The following ROBO2 variants were observed in gnomAD, a reference collection of about 807,000 sequenced individuals.
ROBO2 encodes the protein roundabout homolog 2.
A neutral mutation model predicts 160.8 loss-of-function variants in ROBO2; 53 were observed. That is an observed-to-expected ratio of 0.33 (90% CI 0.26 to 0.41). The LOEUF is 0.41. Ranked by LOEUF, ROBO2 falls within the 10% of genes least tolerant of loss-of-function variation. ROBO2 has a pLI of 1.00. For missense variants in ROBO2, 1,577 were observed against 1,722.4 expected (o/e 0.92, Z 1.49); for synonymous variants, 664 against 611.7 (o/e 1.09, Z -1.26).
intron 2 of ROBO2, among the ~76,000 whole-genome samples, chr3:76,043,643 A>AAAAC (rs2067353727): frequency 1.3e-5 from 2 of 149,926 alleles, no homozygotes; most frequent in African/African-American, 2.5e-5. Context: ...AAAAAAAAAA[A>AAAAC]AAACCACACC....
chr3:77,521,178 G>T (rs1298599182), intron 5 of ROBO2, among the ~76,000 whole-genome samples: 1 of 151,046 alleles, frequency 6.6e-6, no homozygotes, highest in Admixed American at 6.6e-5. Context: ...CACTTATTTT[G>T]CTAATTAGGA....
intron 2 of ROBO2, among the ~76,000 whole-genome samples, chr3:76,890,265 C>T (rs1464914505): frequency 2.0e-5 from 3 of 152,062 alleles, no homozygotes; most frequent in Non-Finnish European, 4.4e-5. Context: ...TTATGATTAG[C>T]CTTCATTTAC....
At chr3:76,298,301 G>T (rs994037349) in intron 2 of ROBO2, among the ~76,000 whole-genome samples, 1 of 152,092 alleles carries the variant, frequency 6.6e-6, no homozygotes, top group South Asian at 2.1e-4. Context: ...GAGGGATAGG[G>T]GTCTCTGGGG....
At chr3:76,374,349 A>G (rs73840920) in intron 2 of ROBO2, among the ~76,000 whole-genome samples, 3,231 of 152,062 alleles carry the variant, frequency 0.021, 107 homozygotes, top group African/African-American at 0.074. Context: ...ATCCCTTTCA[A>G]AAACCCACAT....
In ROBO2 at chr3:77,613,399, C is replaced by T. The variant is rs114506440; in HGVS notation, c.3294-4114C>T. On this transcript the variant is annotated intron_variant, in intron 21 of 25. Transcript: ENST00000461745. Reference sequence around the variant, plus strand: ...AAGGTATGATATCCTTGGCAACGAACGAGTGTAAGTAAGGAAAGTCCACCC... The same window carrying T: ...AAGGTATGATATCCTTGGCAACGAATGAGTGTAAGTAAGGAAAGTCCACCC... Among the ~76,000 whole-genome samples, 699 of 151,962 alleles carry T rather than the reference C, an allele frequency of 4.6e-3. 10 individuals carry two copies. Among genetic ancestry groups the T allele is most frequent in the African/African-American group, 0.016 (668 of 41,430 alleles).
At chr3:77,251,422 T>C (rs189831280) in intron 2 of ROBO2, among the ~76,000 whole-genome samples, 1 of 151,766 alleles carries the variant, frequency 6.6e-6, no homozygotes, top group East Asian at 1.9e-4. Flanking sequence ...CAGTGAATGC[T>C]GTGGTCTTGC....
chr3:76,412,216 C>T lies in ROBO2; in HGVS notation c.109+474614C>T, dbSNP rs527706079. ...CACGAGAAACACCAACCCCGTCATT[C>T]ATTTACCTCCCCCTGGGTCCCTCCC... On this transcript the variant is annotated intron_variant, in intron 2 of 26. Coordinates refer to the ROBO2 transcript ENST00000487694. 1.2e-4 allele frequency among the ~76,000 whole-genome samples: 19 copies of T among 152,188 alleles called. No individual in the cohort carries two copies. The South Asian group carries it at 3.9e-3, about 32-fold the overall frequency.
intron 2 of ROBO2, among the ~76,000 whole-genome samples, chr3:76,784,095 T>C (rs1174486670): frequency 6.6e-6 from 1 of 151,152 alleles, no homozygotes; most frequent in Non-Finnish European, 1.5e-5. Context: ...TGTCAGGAAA[T>C]TCATAGATCT....
intron 2 of ROBO2, among the ~76,000 whole-genome samples, chr3:76,909,358 A>G (rs376469600): frequency 6.6e-6 from 1 of 152,300 alleles, no homozygotes; most frequent in East Asian, 1.9e-4. Flanking sequence ...AGTGTCAACA[A>G]TATGCTAGGA....
rs541079895 is a variant in ROBO2, at chr3:75,956,278, T to C, written c.109+18676T>C. On this transcript the variant is annotated intron_variant, in intron 2 of 26. Coordinates refer to the ROBO2 transcript ENST00000487694. Reference sequence around the variant, plus strand: ...TGCTCAGTAGTACAACTATGTACTCTGTGTCCGTCCTAGTAGCTATATTGC... The same window carrying C: ...TGCTCAGTAGTACAACTATGTACTCCGTGTCCGTCCTAGTAGCTATATTGC... 2.6e-5 allele frequency among the ~76,000 whole-genome samples: 4 copies of C among 151,904 alleles called. No homozygotes were observed. In the East Asian group the frequency reaches 7.8e-4, roughly 30 times the overall value.
At chr3:77,451,330 T>A (rs537607706) in intron 2 of ROBO2, among the ~76,000 whole-genome samples, 1 of 152,284 alleles carries the variant, frequency 6.6e-6, no homozygotes, top group African/African-American at 2.4e-5. Context: ...GAAAGGATCC[T>A]CCAAACTTAA....
At chr3:76,980,844 C>G (rs1258533529) in intron 2 of ROBO2, among the ~76,000 whole-genome samples, 1 of 152,168 alleles carries the variant, frequency 6.6e-6, no homozygotes, top group East Asian at 1.9e-4. Context: ...CTAATCCTCT[C>G]TCCCTCCCCA....
chr3:76,285,171 A>C (rs1397160464), intron 2 of ROBO2, among the ~76,000 whole-genome samples: 8 of 152,138 alleles, frequency 5.3e-5, no homozygotes, highest in African/African-American at 1.7e-4. Context: ...GAATTCTATT[A>C]AAAAGTTCAA....
intron 2 of ROBO2, among the ~76,000 whole-genome samples, chr3:76,665,924 A>C (rs1204293545): frequency 7.0e-6 from 1 of 142,856 alleles, no homozygotes; most frequent in Non-Finnish European, 1.5e-5. Flanking sequence ...CATATTTTAT[A>C]TGTAATATAC....
At chr3:76,013,719 T>C (rs1450260313) in intron 2 of ROBO2, among the ~76,000 whole-genome samples, 1 of 150,878 alleles carries the variant, frequency 6.6e-6, no homozygotes, top group Non-Finnish European at 1.5e-5. Flanking sequence ...ATGCATGTAA[T>C]CCCAGAAGTA....
chr3:76,572,323 C>G (rs1366541056), intron 2 of ROBO2, among the ~76,000 whole-genome samples: 1 of 152,078 alleles, frequency 6.6e-6, no homozygotes, highest in African/African-American at 2.4e-5. Context: ...ACACCATCAT[C>G]ATCATCTCTC....
intron 24 of ROBO2, among the ~76,000 whole-genome samples, chr3:77,636,897 G>A (rs184284929): frequency 1.5e-4 from 23 of 152,244 alleles, no homozygotes; most frequent in East Asian, 3.9e-4. Flanking sequence ...AACTTTTAAA[G>A]AATGAATTAA....
At chr3:76,486,170 G>A (rs149881925) in intron 2 of ROBO2, among the ~76,000 whole-genome samples, 1 of 152,262 alleles carries the variant, frequency 6.6e-6, no homozygotes, top group East Asian at 1.9e-4. Context: ...ACTCCAAAGT[G>A]TGACATAAAT....
At chr3:76,439,915 T>C (rs964247674) in intron 2 of ROBO2, among the ~76,000 whole-genome samples, 1 of 152,130 alleles carries the variant, frequency 6.6e-6, no homozygotes, top group Non-Finnish European at 1.5e-5. Context: ...TGCCTTCCGG[T>C]ATCCATGCCC....
Sources: allele counts gnomAD v4.1 joint callset (sites outside exome capture counted in the v4.1 genomes callset), GRCh38; gene constraint gnomAD v4.1.1; transcripts MANE v1.5; gene names NCBI Gene and HGNC (gene_info 2026-07-23, HGNC 2026-07-21).